PARN: variants seen among roughly 807,000 people sequenced by gnomAD.
The protein encoded by PARN is poly(A)-specific ribonuclease PARN.
A neutral mutation model predicts 102.8 loss-of-function variants in PARN; 71 were observed. The ratio of observed to expected loss-of-function variants is 0.69; its 90% CI spans 0.57 to 0.84. PARN has a LOEUF of 0.84. Among genes scored for constraint, PARN ranks in the 40% least tolerant of loss-of-function variants. The pLI is 0.00. For synonymous variants in PARN, 261 were observed against 252.9 expected (o/e 1.03, Z -0.30); for missense variants, 782 against 760.9 (o/e 1.03, Z -0.33).
At chr16:14,623,175 A>G (rs1028063946) in intron 5 of PARN, among the ~76,000 whole-genome samples, 16 of 152,090 alleles carry the variant, frequency 1.1e-4, no homozygotes, top group South Asian at 2.1e-4. Flanking sequence ...AAAAGCTAGG[A>G]AAAAAGGAGT....
At chr16:14,465,014 C>T (rs866055317) in intron 22 of PARN, among the ~76,000 whole-genome samples, 25 of 152,290 alleles carry the variant, frequency 1.6e-4, no homozygotes, top group Middle Eastern at 3.4e-3. Context: ...TATAGAACTA[C>T]ACAAAGGAAT....
At chr16:14,601,900 A>G (rs1376719566) in intron 11 of PARN, 1 of 149,812 alleles carries the variant, frequency 6.7e-6, no homozygotes, top group Non-Finnish European at 1.5e-5. Context: ...GCAAGGCTCC[A>G]TTTCAAACAA....
intron 18 of PARN, among the ~76,000 whole-genome samples, chr16:14,562,288 G>T (rs917210136): frequency 1.3e-5 from 2 of 151,578 alleles, no homozygotes; most frequent in Non-Finnish European, 2.9e-5. Flanking sequence ...CAACATGACT[G>T]CTACAAAGAA....
intron 21 of PARN, among the ~76,000 whole-genome samples, chr16:14,508,256 A>G (rs1004324433): frequency 4.6e-5 from 7 of 152,158 alleles, no homozygotes; most frequent in African/African-American, 1.4e-4. Flanking sequence ...CAGGCTGGGC[A>G]TGGTGCCTCA....
At chr16:14,593,757 G>A (rs1240336578) in intron 12 of PARN, among the ~76,000 whole-genome samples, 4 of 152,116 alleles carry the variant, frequency 2.6e-5, no homozygotes, top group Non-Finnish European at 1.5e-5. Flanking sequence ...ACCACTTTGG[G>A]AGGTCAAGGC....
intron 6 of PARN, among the ~76,000 whole-genome samples, chr16:14,611,823 C>A (rs565766067): frequency 6.6e-6 from 1 of 152,264 alleles, no homozygotes; most frequent in African/African-American, 2.4e-5. Context: ...GCGGGAGCCA[C>A]GGCCACCGCG....
At chr16:14,505,557 C>T (rs1368759687) in intron 21 of PARN, among the ~76,000 whole-genome samples, 72 of 151,986 alleles carry the variant, frequency 4.7e-4, no homozygotes, top group Admixed American at 4.7e-3. Flanking sequence ...AAATACAAAA[C>T]TCAGGATTAA....
intron 20 of PARN, among the ~76,000 whole-genome samples, chr16:14,552,874 G>A (rs1288399959): frequency 6.6e-6 from 1 of 151,994 alleles, no homozygotes; most frequent in African/African-American, 2.4e-5. Flanking sequence ...CTTGAACCTG[G>A]GAGGCGGAGG....
chr16:14,617,849 GC>G (rs1972024788), intron 5 of PARN, among the ~76,000 whole-genome samples, 199 bp from the exon 6 acceptor site: 1 of 152,142 alleles, frequency 6.6e-6, no homozygotes, highest in Non-Finnish European at 1.5e-5. Flanking sequence ...CTCCTTTATA[GC>G]TTACAAAACA....
intron 12 of PARN, 99 bp from the exon 13 acceptor site, chr16:14,593,477 C>A: frequency 6.2e-6 from 1 of 160,380 alleles, no homozygotes; most frequent in Non-Finnish European, 1.2e-5. Context: ...TTGTACTAAA[C>A]TCGCTTTCCA....
At chr16:14,509,762 T>A (rs77556075) in intron 21 of PARN, among the ~76,000 whole-genome samples, 1,541 of 152,314 alleles carry the variant, frequency 0.01, 27 homozygotes, top group African/African-American at 0.035. Flanking sequence ...CAGTACATCC[T>A]CAACCCCTGG....
chr16:14,597,694 C>T (rs966657845), intron 12 of PARN, among the ~76,000 whole-genome samples: 2 of 148,898 alleles, frequency 1.3e-5, no homozygotes, highest in Non-Finnish European at 3.0e-5. Context: ...AAGACTCCAT[C>T]TCAAAAAAAA....
chr16:14,586,126 C>A (rs973919766), intron 14 of PARN, among the ~76,000 whole-genome samples, 192 bp downstream of exon 14: 14 of 151,842 alleles, frequency 9.2e-5, no homozygotes, highest in Non-Finnish European at 1.6e-4. Flanking sequence ...CCACACGTAT[C>A]CCACCACACC....
chr16:14,446,805 TATAATTTCTCCCCCAAA>T, intron 23 of PARN, 66 bp downstream of exon 23: 1 of 945,746 alleles, frequency 1.1e-6, no homozygotes, highest in South Asian at 1.9e-5. Context: ...GAAGCCTTGC[TATAATTTCTCCCCCAAA>T]ATAGGAGTTT....
At chr16:14,585,633 A>G (rs1969806233) in intron 14 of PARN, among the ~76,000 whole-genome samples, 1 of 152,164 alleles carries the variant, frequency 6.6e-6, no homozygotes, top group South Asian at 2.1e-4. Flanking sequence ...TGAAAAACAA[A>G]ATCTCTAGCC....
chr16:14,551,614 T>C (rs115024565), intron 21 of PARN, among the ~76,000 whole-genome samples: 170 of 152,190 alleles, frequency 1.1e-3, no homozygotes, highest in African/African-American at 3.7e-3. Context: ...AAGTATTTGA[T>C]ACAAGTTTAA....
At chr16:14,500,016 C>G (rs1270196014) in intron 21 of PARN, among the ~76,000 whole-genome samples, 1 of 152,180 alleles carries the variant, frequency 6.6e-6, no homozygotes, top group African/African-American at 2.4e-5. Context: ...AAAACAACTT[C>G]TGAAAGTCAG....
At chr16:14,576,818 G>C (rs966969375) in intron 18 of PARN, among the ~76,000 whole-genome samples, 2 of 152,138 alleles carry the variant, frequency 1.3e-5, no homozygotes, top group Non-Finnish European at 2.9e-5. Flanking sequence ...CCCAGGCCAT[G>C]AAAAAGACAA....
intron 12 of PARN, among the ~76,000 whole-genome samples, chr16:14,597,914 A>G (rs78387060): frequency 0.052 from 7,843 of 152,108 alleles, 240 homozygotes; most frequent in African/African-American, 0.082. Context: ...GAGGCTGAAG[A>G]AGGCAGATTA....
Sources: gnomAD v4.1 joint callset for allele counts (sites outside exome capture counted in the v4.1 genomes callset) on GRCh38, gnomAD v4.1.1 for gene constraint, MANE v1.5 for transcripts, NCBI Gene and HGNC (gene_info 2026-07-23, HGNC 2026-07-21) for gene names.